ZBTB20: variants seen among roughly 807,000 people sequenced by gnomAD.
The protein encoded by ZBTB20 is zinc finger and BTB domain-containing protein 20.
A neutral mutation model predicts 56.9 loss-of-function variants in ZBTB20; 9 were observed. The observed-to-expected ratio is 0.16, with a 90% CI of 0.10 to 0.28. ZBTB20 has a LOEUF of 0.28. ZBTB20 is among the 10% of genes least tolerant of loss of function. The probability of loss-of-function intolerance (pLI) is 1.00; values close to 1 mark genes in which losing one functional copy is unlikely to be tolerated. For missense variants in ZBTB20, 655 were observed against 1,003.0 expected (o/e 0.65, Z 4.69); for synonymous variants, 417 against 420.7 (o/e 0.99, Z 0.11).
rs545210342 is a variant in ZBTB20 at position 114,724,873 on chromosome 3, G to A, written c.-342-31298C>T. On this transcript the variant is annotated intron_variant, in intron 5 of 11. Coordinates refer to ENST00000675478, the MANE Select transcript of ZBTB20 (RefSeq NM_001348800.3). ...ATAGGAATGGCTTTCACATTTAATTGAGCCATAAAATAAAATACATTTTAT... is the reference window on the plus strand; with the variant it reads ...ATAGGAATGGCTTTCACATTTAATTAAGCCATAAAATAAAATACATTTTAT... Among the ~76,000 whole-genome samples the A allele has an allele frequency of 7.3e-4, 111 of 152,082 alleles. 1 individual carries two copies. The highest frequency in any genetic ancestry group is 3.4e-3 in the Middle Eastern group (1 of 294).
chr3:114,806,260 A>G (rs914869024), intron 4 of ZBTB20, among the ~76,000 whole-genome samples: 7 of 151,888 alleles, frequency 4.6e-5, no homozygotes, highest in African/African-American at 2.4e-5. Context: ...ACTTGTTACT[A>G]TCTGTCTTTA....
chr3:114,929,698 G>A (rs2076285721), intron 3 of ZBTB20, among the ~76,000 whole-genome samples: 1 of 152,176 alleles, frequency 6.6e-6, no homozygotes, highest in Non-Finnish European at 1.5e-5. Flanking sequence ...TGCAAACTGA[G>A]TTGCATGCTT....
Position 114,910,418 on chromosome 3 carries a change from AAAACAGG to A in ZBTB20, c.-455-10083_-455-10077del, listed in dbSNP as rs550548847. On this transcript the variant is annotated intron_variant, in intron 3 of 11. Coordinates refer to ENST00000675478, the MANE Select transcript of ZBTB20 (RefSeq NM_001348800.3). Reference sequence around the variant, plus strand: ...CTATGTGATAAAAATTGGACCATAGAAAACAGGAAAGCACCTCAACTCTTGTATAAGG... The same window carrying A: ...CTATGTGATAAAAATTGGACCATAGAAAAGCACCTCAACTCTTGTATAAGG... 1.5e-3 allele frequency among the ~76,000 whole-genome samples: 229 copies of A among 152,066 alleles called. 1 individual carries two copies. The highest frequency in any genetic ancestry group is 5.1e-3 in the African/African-American group (213 of 41,520).
intron 7 of ZBTB20, among the ~76,000 whole-genome samples, chr3:114,461,717 T>G (rs1255010324): frequency 6.6e-6 from 1 of 152,244 alleles, no homozygotes; most frequent in Non-Finnish European, 1.5e-5. Context: ...GCCAGCAGCA[T>G]CAGCATTGCC....
chr3:114,817,230 C>CACAT (rs1442172429), intron 4 of ZBTB20, among the ~76,000 whole-genome samples: 9 of 136,774 alleles, frequency 6.6e-5, no homozygotes, highest in African/African-American at 2.3e-4. Flanking sequence ...CACACACACA[C>CACAT]ATAATAAATT....
intron 4 of ZBTB20, among the ~76,000 whole-genome samples, chr3:114,883,573 A>T (rs1267128960): frequency 2.0e-5 from 3 of 152,270 alleles, no homozygotes; most frequent in East Asian, 3.9e-4. Flanking sequence ...TGTTTTTGAT[A>T]TTGGATAACC....
At chr3:115,086,532 C>T (rs1378245503) in intron 1 of ZBTB20, among the ~76,000 whole-genome samples, 1 of 151,706 alleles carries the variant, frequency 6.6e-6, no homozygotes, top group African/African-American at 2.4e-5. Flanking sequence ...GTCAGCCAAC[C>T]CTACAAGGAA....
chr3:114,706,626 T>C (rs1341231931), intron 5 of ZBTB20, among the ~76,000 whole-genome samples: 1 of 151,904 alleles, frequency 6.6e-6, no homozygotes, highest in African/African-American at 2.4e-5. Flanking sequence ...CCAGCAGGGG[T>C]TAGTAGAAAG....
chr3:114,818,627 G>A (rs1056147549), intron 4 of ZBTB20, among the ~76,000 whole-genome samples: 1 of 151,752 alleles, frequency 6.6e-6, no homozygotes, highest in Non-Finnish European at 1.5e-5. Context: ...AAAAGTCAAC[G>A]TCCATTCCTA....
chr3:114,746,954 T>A (rs1274006199), intron 5 of ZBTB20, among the ~76,000 whole-genome samples: 2 of 152,190 alleles, frequency 1.3e-5, no homozygotes, highest in Non-Finnish European at 2.9e-5. Context: ...TGGAAAGATA[T>A]TTTCTCATGT....
chr3:115,143,421 T>C (rs911474816), intron 1 of ZBTB20, among the ~76,000 whole-genome samples: 1 of 152,074 alleles, frequency 6.6e-6, no homozygotes, highest in Non-Finnish European at 1.5e-5. Context: ...TCCCAGCTAC[T>C]AGGAGGCTGA....
At chr3:114,870,135 G>A (rs538782536) in intron 4 of ZBTB20, among the ~76,000 whole-genome samples, 1 of 152,016 alleles carries the variant, frequency 6.6e-6, no homozygotes, top group Non-Finnish European at 1.5e-5. Context: ...AACAATGTTG[G>A]CTAATAGTGT....
intron 8 of ZBTB20, among the ~76,000 whole-genome samples, chr3:114,382,187 T>C (rs1285833966): frequency 1.3e-5 from 2 of 152,214 alleles, no homozygotes. Context: ...ACAGTTCTGC[T>C]TCCTTCATAT....
chr3:114,367,538 C>T (rs1039660735), intron 10 of ZBTB20, among the ~76,000 whole-genome samples: 1 of 152,136 alleles, frequency 6.6e-6, no homozygotes, highest in Admixed American at 6.5e-5. Flanking sequence ...GGATTACAGG[C>T]GTGAGCCACC....
At chr3:114,809,726 T>G (rs1400722265) in intron 4 of ZBTB20, among the ~76,000 whole-genome samples, 1 of 152,192 alleles carries the variant, frequency 6.6e-6, no homozygotes, top group Admixed American at 6.5e-5. Flanking sequence ...TTTAACCACT[T>G]CTTAAATTGG....
At chr3:114,415,169 T>G (rs748579668) in intron 7 of ZBTB20, among the ~76,000 whole-genome samples, 3 of 152,090 alleles carry the variant, frequency 2.0e-5, no homozygotes, top group Non-Finnish European at 2.9e-5. Context: ...AACACCAATG[T>G]GACAATCTCG....
At chr3:114,447,340 A>C (rs989188677) in intron 7 of ZBTB20, among the ~76,000 whole-genome samples, 1 of 152,226 alleles carries the variant, frequency 6.6e-6, no homozygotes, top group African/African-American at 2.4e-5. Flanking sequence ...AGATCTGCAC[A>C]GTTCAGATAG....
At chr3:114,660,004 T>G (rs1332944043) in intron 6 of ZBTB20, among the ~76,000 whole-genome samples, 1 of 152,010 alleles carries the variant, frequency 6.6e-6, no homozygotes, top group African/African-American at 2.4e-5. Context: ...TTTTTAAAAA[T>G]TCTAGTTCCA....
At position 114,695,147 on chromosome 3, in the gene ZBTB20, T is replaced by G. The variant is rs141247782; in HGVS notation, c.-342-1572A>C. Among the ~76,000 whole-genome samples the G allele has an allele frequency of 5.3e-3, 803 of 151,856 alleles. 6 individuals carry two copies. The highest frequency in any genetic ancestry group is 8.3e-3 in the Non-Finnish European group (564 of 67,904). On this transcript the variant is annotated intron_variant, in intron 5 of 11. Coordinates refer to ENST00000675478, the MANE Select transcript of ZBTB20 (RefSeq NM_001348800.3). ...CTTGTTGCCACATTAAAAGAAAAAA[T>G]CTATCCCTACTGCCAACAGCAATAA... is the stretch of plus-strand genomic sequence containing the variant.
Sources: gnomAD v4.1 joint callset for allele counts (sites outside exome capture counted in the v4.1 genomes callset) on GRCh38, gnomAD v4.1.1 for gene constraint, MANE v1.5 for transcripts, NCBI Gene and HGNC (gene_info 2026-07-23, HGNC 2026-07-21) for gene names.